RALYL: variants seen among roughly 807,000 people sequenced by gnomAD.
The protein encoded by RALYL is RALY RNA binding protein like.
Under a neutral mutation model 35.1 loss-of-function variants are expected in RALYL, and 29 were observed. The observed-to-expected ratio is 0.83, with a 90% CI of 0.61 to 1.13. The LOEUF is 1.13. Among genes scored for constraint, RALYL ranks in the 50% most tolerant of loss-of-function variants. RALYL has a pLI of 0.00. For missense variants in RALYL, 359 were observed against 360.4 expected (o/e 1.00, Z 0.03); for synonymous variants, 120 against 127.6 (o/e 0.94, Z 0.40).
At chr8:84,582,336 C>A (rs560463925) in intron 2 of RALYL, among the ~76,000 whole-genome samples, 1 of 151,978 alleles carries the variant, frequency 6.6e-6, no homozygotes, top group Non-Finnish European at 1.5e-5. Flanking sequence ...TTATAACAAA[C>A]GTAACTCATT....
At chr8:84,407,224 C>T (rs73304320) in intron 1 of RALYL, among the ~76,000 whole-genome samples, 4,289 of 152,078 alleles carry the variant, frequency 0.028, 197 homozygotes, top group African/African-American at 0.097. Context: ...ATAAATGGCA[C>T]GCAAAAGAGT....
intron 2 of RALYL, among the ~76,000 whole-genome samples, chr8:84,559,895 A>G (rs888841449): frequency 6.6e-6 from 1 of 151,830 alleles, no homozygotes; most frequent in African/African-American, 2.4e-5. Flanking sequence ...GGGCTGGGTT[A>G]TGAGCTCCAA....
At chr8:84,860,187 C>G (rs1837837432) in intron 5 of RALYL, among the ~76,000 whole-genome samples, 1 of 152,130 alleles carries the variant, frequency 6.6e-6, no homozygotes, top group Non-Finnish European at 1.5e-5. Flanking sequence ...ATATAGTGAA[C>G]TTTACTTGGC....
intron 2 of RALYL, among the ~76,000 whole-genome samples, chr8:84,638,552 A>G (rs1376054722): frequency 6.6e-6 from 1 of 151,934 alleles, no homozygotes; most frequent in African/African-American, 2.4e-5. Flanking sequence ...TAAAATTGAT[A>G]GACCATTAAC....
chr8:84,355,876 T>C (rs1851725809), intron 1 of RALYL, among the ~76,000 whole-genome samples: 1 of 150,096 alleles, frequency 6.7e-6, no homozygotes, highest in Non-Finnish European at 1.5e-5. Context: ...AAATATAGAA[T>C]GATATGGTTT....
At chr8:84,550,152 TATTA>T (rs1588126075) in intron 2 of RALYL, among the ~76,000 whole-genome samples, 1 of 152,184 alleles carries the variant, frequency 6.6e-6, no homozygotes, top group East Asian at 1.9e-4. Flanking sequence ...ATTTCTTTAA[TATTA>T]ATTGAGAGCA....
At chr8:84,330,348 A>G (rs917472803) in intron 1 of RALYL, among the ~76,000 whole-genome samples, 1 of 152,018 alleles carries the variant, frequency 6.6e-6, no homozygotes, top group Non-Finnish European at 1.5e-5. Flanking sequence ...ATGTTATACT[A>G]TTTACAAACT....
At chr8:84,730,121 T>C (rs1309504089) in intron 2 of RALYL, among the ~76,000 whole-genome samples, 2 of 152,126 alleles carry the variant, frequency 1.3e-5, no homozygotes, top group African/African-American at 2.4e-5. Context: ...TGAACATTGA[T>C]GCAAAAATCC....
At chr8:84,916,542 C>T (rs1297262624) in intron 8 of RALYL, among the ~76,000 whole-genome samples, 6 of 151,982 alleles carry the variant, frequency 3.9e-5, no homozygotes, top group Admixed American at 3.9e-4. Context: ...TTTCCCTGCA[C>T]AGGCTCTCTC....
At chr8:84,213,936 T>C (rs1433011042) in intron 1 of RALYL, among the ~76,000 whole-genome samples, 1 of 152,206 alleles carries the variant, frequency 6.6e-6, no homozygotes, top group East Asian at 1.9e-4. Flanking sequence ...TTTTCATTGA[T>C]ATTATTGGAA....
At chr8:84,827,199 G>A (rs1829906031) in intron 4 of RALYL, among the ~76,000 whole-genome samples, 1 of 151,964 alleles carries the variant, frequency 6.6e-6, no homozygotes, top group Non-Finnish European at 1.5e-5. Flanking sequence ...TTGCTCCAGG[G>A]GTTCAATATC....
intron 2 of RALYL, among the ~76,000 whole-genome samples, chr8:84,544,674 T>C (rs1327943370): frequency 6.6e-6 from 1 of 152,044 alleles, no homozygotes; most frequent in Non-Finnish European, 1.5e-5. Flanking sequence ...TTCCAAGAAA[T>C]GAGTGTGGGA....
intron 2 of RALYL, among the ~76,000 whole-genome samples, chr8:84,532,671 A>G (rs1362827540): frequency 2.6e-5 from 4 of 152,056 alleles, no homozygotes; most frequent in African/African-American, 9.7e-5. Context: ...TTATTACCTT[A>G]TTTGATCTCA....
intron 2 of RALYL, among the ~76,000 whole-genome samples, chr8:84,696,624 AC>A (rs147139390): frequency 2.2e-3 from 340 of 152,104 alleles, no homozygotes; most frequent in African/African-American, 8.0e-3. Context: ...TAAAAATAAT[AC>A]AAGATTTTGT....
At position 84,516,317 on chromosome 8, in the gene RALYL, A is replaced by G. The variant is rs549774002; in HGVS notation, c.-23-12982A>G. Reference sequence around the variant, plus strand: ...AAAAATAATATACCTAATATGCATAAGTGGAGAGATATACACCAGAAGTAT... The same window carrying G: ...AAAAATAATATACCTAATATGCATAGGTGGAGAGATATACACCAGAAGTAT... On this transcript the variant is annotated intron_variant, in intron 1 of 8. Transcript: ENST00000521268. 2.6e-5 allele frequency among the ~76,000 whole-genome samples: 4 copies of G among 152,136 alleles called. No individual in the cohort carries two copies. In the East Asian group the frequency reaches 7.7e-4, roughly 29 times the overall value.
chr8:84,548,004 G>A (rs373638923), intron 2 of RALYL, among the ~76,000 whole-genome samples: 8 of 151,744 alleles, frequency 5.3e-5, no homozygotes, highest in South Asian at 4.2e-4. Flanking sequence ...AGCTGTTCTC[G>A]GTCAATTTCT....
intron 1 of RALYL, among the ~76,000 whole-genome samples, chr8:84,523,887 T>C (rs1192355229): frequency 6.6e-6 from 1 of 152,136 alleles, no homozygotes; most frequent in East Asian, 1.9e-4. Flanking sequence ...GTTGTATATG[T>C]GCCACATTTT....
intron 1 of RALYL, among the ~76,000 whole-genome samples, chr8:84,409,198 G>C (rs2043856246): frequency 6.6e-6 from 1 of 151,878 alleles, no homozygotes; most frequent in South Asian, 2.1e-4. Context: ...ATGTTTATCA[G>C]AGCAGGTGAT....
chr8:84,910,924 T>C (rs1847406654), intron 8 of RALYL, among the ~76,000 whole-genome samples: 1 of 152,096 alleles, frequency 6.6e-6, no homozygotes, highest in Non-Finnish European at 1.5e-5. Context: ...AAATTTAAGA[T>C]ATATTTCATT....
Sources: allele counts gnomAD v4.1 joint callset (sites outside exome capture counted in the v4.1 genomes callset), GRCh38; gene constraint gnomAD v4.1.1; transcripts MANE v1.5; gene names NCBI Gene and HGNC (gene_info 2026-07-23, HGNC 2026-07-21).